Variants in HYDIN observed in about 807,000 individuals in gnomAD.
The protein encoded by HYDIN is axonemal central pair apparatus protein HYDIN.
Under a neutral mutation model 403.9 loss-of-function variants are expected in HYDIN, and 132 were observed. The observed-to-expected ratio is 0.33, with a 90% CI of 0.28 to 0.38. HYDIN has a LOEUF of 0.38. Among genes scored for constraint, HYDIN ranks in the 10% least tolerant of loss-of-function variants. The probability of loss-of-function intolerance (pLI) is 1.00; values close to 1 mark genes in which losing one functional copy is unlikely to be tolerated. For missense variants in HYDIN, 2,827 were observed against 5,009.5 expected (o/e 0.56, Z 13.15); for synonymous variants, 1,202 against 1,891.7 (o/e 0.64, Z 9.46).
chr16:70,809,975 T>A lies in HYDIN; in HGVS notation c.14691A>T (p.Lys4897Asn), dbSNP rs776155283. 3.1e-6 allele frequency: 5 copies of A among 1,614,172 alleles called. No individual in the cohort carries two copies. Among genetic ancestry groups the A allele is most frequent in the Non-Finnish European group, 2.5e-6 (3 of 1,180,034 alleles). Residue 4897 changes from lysine (K) to asparagine (N), a missense_variant, in exon 85 of 86, where the codon AAA becomes AAT. Physicochemically the swap from Lys to Asn is moderately conservative, Grantham distance 94 (BLOSUM62 0). Transcript: ENST00000393567. ...TTAGTCTTCCGAAGGTTTCTCCAGC[T>A]TTCAGGGGCTGAAATTCAAATGAGA... ...GTFSFEFQPL[K>N]AGETFGRLTL...
chr16:71,031,673 C>T lies in HYDIN; in HGVS notation c.2768+6G>A. 1.3e-6 allele frequency: 2 copies of T among 1,597,506 alleles called. No homozygotes were observed. Among genetic ancestry groups the T allele is most frequent in the Non-Finnish European group, 1.7e-6 (2 of 1,170,858 alleles). ...CTATAAAAACTGGTCCATGAGATTT[C>T]CTTACCTAAAATGTGCCCCCAAATT... On this transcript the variant is annotated splice_donor_region_variant and intron_variant, in intron 19 of 85. Transcript: ENST00000393567.
chr16:71,186,227 A>G (rs1281643613), intron 2 of HYDIN, among the ~76,000 whole-genome samples: 1 of 152,156 alleles, frequency 6.6e-6, no homozygotes, highest in Non-Finnish European at 1.5e-5. Flanking sequence ...TATTTTCTAC[A>G]GCATGTGGTT....
chr16:71,074,581 G>A (rs2144321483), intron 13 of HYDIN, among the ~76,000 whole-genome samples: 1 of 144,224 alleles, frequency 6.9e-6, no homozygotes, highest in South Asian at 2.2e-4. Context: ...CTACTCGGGA[G>A]GCTGAGGCAG....
At chr16:71,113,675 C>T (rs2144457289) in intron 10 of HYDIN, 1 of 151,308 alleles carries the variant, frequency 6.6e-6, no homozygotes, top group South Asian at 2.1e-4. Context: ...CTCACTGCAG[C>T]CTCAAACTTC....
chr16:70,872,023 T>C lies in HYDIN; in HGVS notation c.11091+14A>G, dbSNP rs1424507223. ...CTAAGGGATTCCAAAAAATGATGAA[T>C]GACTTTTATTTACCTGTGGGGAGAA... On this transcript the variant is annotated intron_variant, in intron 65 of 85. Coordinates refer to ENST00000393567, the MANE Select transcript of HYDIN (RefSeq NM_001270974.2). The C allele has an allele frequency of 1.2e-6, 2 of 1,608,686 alleles. No individual in the cohort carries two copies. Among genetic ancestry groups the C allele is most frequent in the South Asian group, 1.1e-5 (1 of 89,888 alleles).
At chr16:71,194,021 C>T (rs2087568093) in intron 1 of HYDIN, among the ~76,000 whole-genome samples, 1 of 152,188 alleles carries the variant, frequency 6.6e-6, no homozygotes, top group Non-Finnish European at 1.5e-5. Flanking sequence ...AACACTGCCT[C>T]TTCTATTTAC....
intron 8 of HYDIN, among the ~76,000 whole-genome samples, chr16:71,136,777 A>C (rs1277865426): frequency 1.2e-4 from 18 of 150,284 alleles, no homozygotes; most frequent in Admixed American, 2.0e-4. Flanking sequence ...AAAAAAAAAA[A>C]AAACAAAAAA....
At chr16:70,956,247 T>A (rs2078230977) in intron 39 of HYDIN, among the ~76,000 whole-genome samples, 2 of 73,424 alleles carry the variant, frequency 2.7e-5, no homozygotes, top group African/African-American at 6.1e-5. Context: ...CATTTCAAGG[T>A]ACTTTCATTA....
At chr16:70,833,217 A>G in intron 79 of HYDIN, 150 bp from the exon 80 acceptor site, 1 of 684,232 alleles carries the variant, frequency 1.5e-6, no homozygotes, top group Non-Finnish European at 2.4e-6. Context: ...TCTGCCAGAC[A>G]GAGCAGAAGC....
intron 58 of HYDIN, among the ~76,000 whole-genome samples, chr16:70,886,930 C>T (rs997016003): frequency 6.6e-6 from 1 of 152,056 alleles, no homozygotes; most frequent in Admixed American, 6.5e-5. Flanking sequence ...TGTAGGTTTA[C>T]ATCTTTTGCC....
At chr16:71,110,475 A>AT in intron 10 of HYDIN, among the ~76,000 whole-genome samples, 1 of 142,914 alleles carries the variant, frequency 7.0e-6, no homozygotes, top group East Asian at 2.0e-4. Context: ...AAACATATAT[A>AT]AATATATATA....
chr16:71,062,879 T>TC (rs1451629808), intron 16 of HYDIN: 1 of 153,700 alleles, frequency 6.5e-6, no homozygotes, highest in Non-Finnish European at 1.4e-5. Flanking sequence ...CTTTCCTCTG[T>TC]CCCCAGGGAG....
chr16:70,954,468 A>AG (rs33979737), intron 40 of HYDIN, among the ~76,000 whole-genome samples: 54 of 149,736 alleles, frequency 3.6e-4, no homozygotes, highest in African/African-American at 6.0e-4. Flanking sequence ...AAAAAAAAAA[A>AG]AAAGAAAGAA....
intron 1 of HYDIN, among the ~76,000 whole-genome samples, chr16:71,190,810 G>C (rs1251892847): frequency 2.6e-5 from 4 of 152,164 alleles, no homozygotes; most frequent in African/African-American, 7.2e-5. Flanking sequence ...TAGTGTTATT[G>C]ACAGAAATCT....
intron 18 of HYDIN, among the ~76,000 whole-genome samples, chr16:71,041,346 C>T (rs181321948): frequency 1.3e-5 from 2 of 151,034 alleles, no homozygotes; most frequent in East Asian, 3.9e-4. Context: ...CTTTTAGTTA[C>T]ATACATGTCA....
At chr16:70,921,254 T>A in intron 45 of HYDIN, 37 bp from the exon 46 acceptor site, 2 of 1,519,794 alleles carry the variant, frequency 1.3e-6, no homozygotes, top group Non-Finnish European at 1.7e-6. Context: ...CGTCAAACAG[T>A]TTTTTACGGG....
At position 70,863,669 on chromosome 16, in the gene HYDIN, A is replaced by C. The variant is rs769574852; in HGVS notation, c.11472-487T>G. Among the ~76,000 whole-genome samples, 226 of 152,188 alleles carry C rather than the reference A, an allele frequency of 1.5e-3. 1 individual carries two copies. Among genetic ancestry groups the C allele is most frequent in the Non-Finnish European group, 2.8e-3 (189 of 68,010 alleles). ...GGCAGGCAGCTCACTTGAGGCCAAG[A>C]ATTTGAGACCAGCCTGGCCAACATG... On this transcript the variant is annotated intron_variant, in intron 67 of 85. Transcript: ENST00000393567.
chr16:70,964,760 G>A lies in HYDIN; in HGVS notation c.5756C>T (p.Ala1919Val), dbSNP rs536288769. ...IKKSKEEQMR[A>V]KYLENLAQEN... ...CTGTGCCAGATTCTCCAGATATTTC[G>A]CCCTCATCTGCTCCTCTTTTGACTT... The change falls in exon 37 of 86, where the codon GCG becomes GTG. Residue 1919 changes from alanine (A) to valine (V), a missense_variant. Coordinates refer to ENST00000393567, the MANE Select transcript of HYDIN (RefSeq NM_001270974.2). 14 of 1,588,026 alleles carry A rather than the reference G, an allele frequency of 8.8e-6. No individual in the cohort carries two copies. Among genetic ancestry groups the A allele is most frequent in the African/African-American group, 4.0e-5 (3 of 74,644 alleles).
At chr16:71,037,333 A>G (rs1488486078) in intron 18 of HYDIN, among the ~76,000 whole-genome samples, 1 of 149,648 alleles carries the variant, frequency 6.7e-6, no homozygotes, top group African/African-American at 2.4e-5. Flanking sequence ...CAGAAAACAA[A>G]GATGGATGCT....
Sources: gnomAD v4.1 joint callset for allele counts (sites outside exome capture counted in the v4.1 genomes callset) on GRCh38, gnomAD v4.1.1 for gene constraint, MANE v1.5 for transcripts, NCBI Gene and HGNC (gene_info 2026-07-23, HGNC 2026-07-21) for gene names.